The following ZNF486 variants were observed in gnomAD, a reference collection of about 807,000 sequenced individuals.
ZNF486 encodes zinc finger protein 486, also known as KRAB box only protein 2.
ZNF486 carries 12 observed loss-of-function variants against 12.8 expected under a neutral mutation model. The ratio of observed to expected loss-of-function variants is 0.94; its 90% CI spans 0.60 to 1.52. The LOEUF (loss-of-function observed/expected upper bound fraction) is 1.52, where lower values mean the gene tolerates loss of function less well. Ranked by LOEUF, ZNF486 falls within the 40% of genes most tolerant of loss-of-function variation. The pLI, the probability that ZNF486 is intolerant of heterozygous loss-of-function variation, is 0.00. For missense variants in ZNF486, 738 were observed against 545.0 expected (o/e 1.35, Z -3.53); for synonymous variants, 231 against 184.9 (o/e 1.25, Z -2.02).
intron 1 of ZNF486, among the ~76,000 whole-genome samples, chr19:20,182,628 A>G (rs1015335697): frequency 6.6e-6 from 1 of 152,164 alleles, no homozygotes; most frequent in Non-Finnish European, 1.5e-5. Flanking sequence ...GCATAATTCC[A>G]TTACTGGAAA....
At chr19:20,184,899 G>T (rs943046827) in intron 2 of ZNF486, among the ~76,000 whole-genome samples, 1 of 152,126 alleles carries the variant, frequency 6.6e-6, no homozygotes, top group Non-Finnish European at 1.5e-5. Flanking sequence ...ATCACCTGAA[G>T]TTGGGAGTTT....
chr19:20,183,601 A>G (rs1355379116), intron 1 of ZNF486, among the ~76,000 whole-genome samples: 2 of 152,184 alleles, frequency 1.3e-5, no homozygotes, highest in African/African-American at 4.8e-5. Flanking sequence ...GACATCATAA[A>G]AATTTATCGT....
intron 2 of ZNF486, 26 bp from the exon 3 acceptor site, chr19:20,185,961 A>G: frequency 7.0e-7 from 1 of 1,432,644 alleles, no homozygotes; most frequent in Non-Finnish European, 9.3e-7. Context: ...AAGCAAGATT[A>G]ATGCTATTTA....
At position 20,167,237 on chromosome 19, in the gene ZNF486, T is replaced by C; in HGVS notation, c.-94T>C. ...TTGTCTCTCGCTGCATCTGGAGCTCTAGGTCGCCTCTTCGCTACTCTGTGT... is the reference window on the plus strand; with the variant it reads ...TTGTCTCTCGCTGCATCTGGAGCTCCAGGTCGCCTCTTCGCTACTCTGTGT... On this transcript the variant is annotated 5_prime_UTR_variant, in exon 1 of 4. Coordinates refer to ENST00000335117, the MANE Select transcript of ZNF486 (RefSeq NM_052852.4). 5.3e-6 allele frequency: 8 copies of C among 1,500,432 alleles called. No individual in the cohort carries two copies. The highest frequency in any genetic ancestry group is 7.4e-6 in the Non-Finnish European group (8 of 1,077,442). 92.9% of individuals were successfully genotyped at this position (1,500,432 alleles called of 1,614,324 possible). A position where few individuals can be genotyped will look rare whatever the true frequency, so the allele number is the denominator to read the frequency against.
At position 20,170,094 on chromosome 19, in the gene ZNF486, G is replaced by C. The variant is rs1388587519; in HGVS notation, c.30+2734G>C. Among the ~76,000 whole-genome samples, 6 of 151,286 alleles carry C rather than the reference G, an allele frequency of 4.0e-5. No individual in the cohort carries two copies. The South Asian group carries it at 1.3e-3, about 32-fold the overall frequency. On this transcript the variant is annotated intron_variant, in intron 1 of 3. Transcript: ENST00000335117. Reference sequence around the variant, plus strand: ...TTTTAGTAGAGACGGGTTTCACCGTGTTAGCCAGGATGGTCTCGATCTCCT... The same window carrying C: ...TTTTAGTAGAGACGGGTTTCACCGTCTTAGCCAGGATGGTCTCGATCTCCT...
chr19:20,199,986 T>C lies in ZNF486; in HGVS notation c.*1884T>C, dbSNP rs1300693309. On this transcript the variant is annotated 3_prime_UTR_variant, in exon 4 of 4. Coordinates refer to ENST00000335117, the MANE Select transcript of ZNF486 (RefSeq NM_052852.4). ...CTGCTTGGGAGGCTGAGGCAGAGAA[T>C]TGGAATTGCTTGAACCTGGGAGGTG... is the stretch of plus-strand genomic sequence containing the variant. The C allele has an allele frequency of 4.0e-5, 6 of 151,708 alleles. No individual in the cohort carries two copies. The highest frequency in any genetic ancestry group is 1.9e-4 in the East Asian group (1 of 5,166). The allele number at this position is 151,708 out of a possible 1,614,324, so 9.4% of individuals were successfully genotyped here. A position where few individuals can be genotyped will look rare whatever the true frequency, so the allele number is the denominator to read the frequency against.
chr19:20,186,121 A>G lies in ZNF486; in HGVS notation c.253+39A>G. ...AAAATGAACACAACAGACAATGCAGATAAGAGGTCCCAAGGTCAAAAAGAA... is the reference window on the plus strand; with the variant it reads ...AAAATGAACACAACAGACAATGCAGGTAAGAGGTCCCAAGGTCAAAAAGAA... On this transcript the variant is annotated intron_variant, in intron 3 of 3. Coordinates refer to ENST00000335117, the MANE Select transcript of ZNF486 (RefSeq NM_052852.4). 7.3e-6 allele frequency: 11 copies of G among 1,501,024 alleles called. No homozygotes were observed. The Middle Eastern group carries it at 1.4e-3, about 189-fold the overall frequency. The allele number at this position is 1,501,024 out of a possible 1,614,324, so 93.0% of individuals were successfully genotyped here. A position where few individuals can be genotyped will look rare whatever the true frequency, so the allele number is the denominator to read the frequency against.
chr19:20,177,139 T>G (rs549692250), intron 1 of ZNF486: 1 of 152,314 alleles, frequency 6.6e-6, no homozygotes, highest in Non-Finnish European at 1.5e-5. Context: ...TGAGCTGTGC[T>G]CTGGGCTGTG....
At chr19:20,167,472 TCTC>T (rs1167175067) in intron 1 of ZNF486, 112 bp downstream of exon 1, 14 of 1,284,484 alleles carry the variant, frequency 1.1e-5, no homozygotes, top group East Asian at 7.0e-5. Context: ...CGTCCGGACT[TCTC>T]CTTACCCAGC....
intron 1 of ZNF486, among the ~76,000 whole-genome samples, chr19:20,171,667 T>C (rs984539168): frequency 2.6e-5 from 4 of 152,222 alleles, no homozygotes; most frequent in African/African-American, 2.4e-5. Context: ...GTAGTGAAAA[T>C]CATTCCATTC....
Position 20,199,106 on chromosome 19 carries a change from A to G in ZNF486, c.*1004A>G, listed in dbSNP as rs2089989738. 6.6e-6 allele frequency: 1 copy of G among 152,216 alleles called. No individual in the cohort carries two copies. The highest frequency in any genetic ancestry group is 1.5e-5 in the Non-Finnish European group (1 of 68,046). The allele number at this position is 152,216 out of a possible 1,614,324, so 9.4% of individuals were successfully genotyped here. ...TTTCACAGGAAAGCTATTATCCTTG[A>G]GAAAAATTGTACAAATATAAAGAAT... On this transcript the variant is annotated 3_prime_UTR_variant, in exon 4 of 4. Coordinates refer to ENST00000335117, the MANE Select transcript of ZNF486 (RefSeq NM_052852.4).
At chr19:20,182,723 C>T (rs192550253) in intron 1 of ZNF486, among the ~76,000 whole-genome samples, 2 of 152,176 alleles carry the variant, frequency 1.3e-5, no homozygotes, top group Non-Finnish European at 2.9e-5. Flanking sequence ...ATTCATTGTT[C>T]CCTGAATCTC....
At chr19:20,182,498 G>A (rs1431554549) in intron 1 of ZNF486, among the ~76,000 whole-genome samples, 1 of 152,154 alleles carries the variant, frequency 6.6e-6, no homozygotes, top group Admixed American at 6.5e-5. Context: ...CTAAGGTGAG[G>A]CCAGAATCAA....
intron 1 of ZNF486, among the ~76,000 whole-genome samples, chr19:20,177,376 GTTTA>G (rs534090989): frequency 8.9e-4 from 135 of 152,356 alleles, no homozygotes; most frequent in African/African-American, 3.1e-3. Flanking sequence ...GATGTGAAAA[GTTTA>G]TTTGTCATTG....
chr19:20,178,088 T>A (rs191864027), intron 1 of ZNF486, among the ~76,000 whole-genome samples: 1 of 142,990 alleles, frequency 7.0e-6, no homozygotes, highest in African/African-American at 2.6e-5. Flanking sequence ...CAGGCCCGGC[T>A]AATTTTTTTT....
At chr19:20,180,837 T>C (rs1599704710) in intron 1 of ZNF486, among the ~76,000 whole-genome samples, 2 of 151,208 alleles carry the variant, frequency 1.3e-5, no homozygotes, top group South Asian at 4.1e-4. Flanking sequence ...TAATTTCTAC[T>C]TTTTTTTACC....
At chr19:20,191,285 C>T (rs532124376) in intron 3 of ZNF486, among the ~76,000 whole-genome samples, 1 of 140,884 alleles carries the variant, frequency 7.1e-6, no homozygotes, top group South Asian at 2.3e-4. Flanking sequence ...TCCTGGCTAA[C>T]ATGGTGAAAC....
chr19:20,196,369 C>T (rs1325244386), intron 3 of ZNF486, among the ~76,000 whole-genome samples: 10 of 152,112 alleles, frequency 6.6e-5, no homozygotes, highest in Admixed American at 5.9e-4. Context: ...TGCTCTGTCG[C>T]CCAGGCCGGA....
intron 1 of ZNF486, among the ~76,000 whole-genome samples, chr19:20,179,260 A>T (rs2089758128): frequency 6.7e-6 from 1 of 148,494 alleles, no homozygotes; most frequent in South Asian, 2.1e-4. Flanking sequence ...ATAATGATAG[A>T]TATCTAATCA....
Sources: allele counts gnomAD v4.1 joint callset (sites outside exome capture counted in the v4.1 genomes callset), GRCh38; gene constraint gnomAD v4.1.1; transcripts MANE v1.5; gene names NCBI Gene and HGNC (gene_info 2026-07-23, HGNC 2026-07-21).